The following CLEC12A variants were observed in gnomAD, a reference collection of about 807,000 sequenced individuals.
CLEC12A encodes the protein C-type lectin domain family 12 member A.
A neutral mutation model predicts 26.5 loss-of-function variants in CLEC12A; 22 were observed. The observed-to-expected ratio is 0.83, with a 90% CI of 0.59 to 1.19. The LOEUF is 1.19. Ranked by LOEUF, CLEC12A falls within the 50% of genes most tolerant of loss-of-function variation. CLEC12A has a pLI of 0.00. For missense variants in CLEC12A, 353 were observed against 315.6 expected (o/e 1.12, Z -0.90); for synonymous variants, 119 against 101.9 (o/e 1.17, Z -1.01).
intron 1 of CLEC12A, among the ~76,000 whole-genome samples, chr12:9,972,017 A>G (rs1003164975): frequency 2.0e-5 from 3 of 150,472 alleles, no homozygotes; most frequent in East Asian, 1.9e-4. Flanking sequence ...AAAAAGAAAC[A>G]TGTTCAGGAA....
downstream of CLEC12A, among the ~76,000 whole-genome samples, chr12:9,996,189 C>T (rs774713168): frequency 3.3e-5 from 5 of 152,056 alleles, no homozygotes; most frequent in African/African-American, 9.7e-5. Context: ...CTTGAGCCAC[C>T]GGGAACCTTT....
In CLEC12A at chr12:9,982,106, TA is replaced by T. The variant is rs768594610; in HGVS notation, c.620del (p.Asn207IlefsTer2). ...EDSTRGMRVD[N>X]IINSSAWVIR... ...ATTCCACTCGTGGTATGAGAGTGGA[TA>T]ATATAATCAACTCCTCTGCCTGGTA... On this transcript the variant is annotated frameshift_variant, in exon 5 of 6. Transcript: ENST00000304361. LOFTEE classifies it low-confidence loss of function (END_TRUNC). The T allele has an allele frequency of 1.3e-5, 21 of 1,577,420 alleles. No homozygotes were observed. In the South Asian group the frequency reaches 2.3e-4, roughly 18 times the overall value.
chr12:9,958,209 T>C (rs1211875408), intron 1 of CLEC12A, among the ~76,000 whole-genome samples: 1 of 152,238 alleles, frequency 6.6e-6, no homozygotes, highest in Non-Finnish European at 1.5e-5. Context: ...AGTAATTACT[T>C]TAGGCACAAT....
At chr12:9,998,644 T>TTTTTGTTTTGTTTTG (rs71049030), downstream of CLEC12A, among the ~76,000 whole-genome samples, 19 of 145,736 alleles carry the variant, frequency 1.3e-4, no homozygotes, top group East Asian at 4.0e-4. Flanking sequence ...GTGTTTGTAT[T>TTTTTGTTTTGTTTTG]TTTTGTTTTG....
intron 4 of CLEC12A, chr12:9,992,618 T>C (rs1864918490): frequency 2.6e-5 from 4 of 152,316 alleles, no homozygotes; most frequent in Admixed American, 2.6e-4. Flanking sequence ...ATTATTCCTA[T>C]TTTAAATATG....
At chr12:9,960,144 A>T (rs1863806491) in intron 1 of CLEC12A, among the ~76,000 whole-genome samples, 1 of 152,180 alleles carries the variant, frequency 6.6e-6, no homozygotes, top group Non-Finnish European at 1.5e-5. Flanking sequence ...CCATGAATTC[A>T]ACATACTCAG....
chr12:9,998,889 G>A (rs1020456092), downstream of CLEC12A: 3 of 537,848 alleles, frequency 5.6e-6, no homozygotes, highest in Non-Finnish European at 9.7e-6. Context: ...ATGAGCTTAT[G>A]AAAACACTAC....
chr12:9,966,853 G>A (rs1279365982), upstream of CLEC12A, among the ~76,000 whole-genome samples: 1 of 97,140 alleles, frequency 1.0e-5, no homozygotes, highest in Admixed American at 1.1e-4. Flanking sequence ...GGGCTGTAAA[G>A]CGTCTCAGGG....
At chr12:9,979,634 T>TCTC in intron 3 of CLEC12A, 110 bp downstream of exon 3, 1 of 786,838 alleles carries the variant, frequency 1.3e-6, no homozygotes. Flanking sequence ...GAGTCATAAT[T>TCTC]TGGGGGAAAG....
intron 4 of CLEC12A, chr12:9,992,180 CA>C (rs1158776824): frequency 1.3e-5 from 2 of 152,090 alleles, no homozygotes; most frequent in Admixed American, 6.6e-5. Flanking sequence ...AGTTACTCAG[CA>C]AAAATAAAGC....
At chr12:9,983,713 T>C in intron 5 of CLEC12A, 2 of 482,476 alleles carry the variant, frequency 4.1e-6, no homozygotes, top group South Asian at 3.7e-5. Context: ...TGGGCCATAA[T>C]GGCAAATAGA....
chr12:9,972,729 T>C (rs1864176511), intron 1 of CLEC12A, among the ~76,000 whole-genome samples: 1 of 152,220 alleles, frequency 6.6e-6, no homozygotes, highest in African/African-American at 2.4e-5. Flanking sequence ...ATGATGAGCA[T>C]TGTAAATCTT....
chr12:9,966,325 C>T (rs1197258247), intron 1 of CLEC12A, among the ~76,000 whole-genome samples: 1 of 152,166 alleles, frequency 6.6e-6, no homozygotes, highest in Non-Finnish European at 1.5e-5. Flanking sequence ...TGGGCAGTGA[C>T]AGTCTTCAGT....
intron 1 of CLEC12A, among the ~76,000 whole-genome samples, chr12:9,956,142 T>C (rs552615025): frequency 1.3e-5 from 2 of 152,134 alleles, no homozygotes; most frequent in African/African-American, 2.4e-5. Flanking sequence ...AATCAAAACC[T>C]CTCATCCAAT....
chr12:9,994,790 C>T lies in CLEC12A; in HGVS notation n.1005-228C>T, dbSNP rs539046526. Among the ~76,000 whole-genome samples the T allele has an allele frequency of 1.3e-4, 20 of 151,906 alleles. 1 individual carries two copies. Among genetic ancestry groups the T allele is most frequent in the African/African-American group, 4.6e-4 (19 of 41,422 alleles). ...TGTTTTAAAAATATGTGAAGATAAT[C>T]AGAACAAGCAAAACACAAAAACACA... On this transcript the variant is annotated intron_variant and non_coding_transcript_variant, in intron 4 of 4. Transcript: ENST00000449959.
At chr12:9,992,039 G>A (rs1036827064) in intron 4 of CLEC12A, 1 of 152,048 alleles carries the variant, frequency 6.6e-6, no homozygotes, top group Non-Finnish European at 1.5e-5. Context: ...AACCTCCGTT[G>A]AGATGTTTGA....
Position 9,979,327 on chromosome 12 carries a change from A to C in CLEC12A, c.191-9A>C, listed in dbSNP as rs1864459209. The C allele has an allele frequency of 6.4e-7, 1 of 1,557,606 alleles. No homozygotes were observed. Among genetic ancestry groups the C allele is most frequent in the Non-Finnish European group, 8.7e-7 (1 of 1,145,710 alleles). ...ATTTACAATTTTTTGTCATTTTTTT[A>C]ATGTGGAGTTCACGTAACTTTGAAG... On this transcript the variant is annotated splice_polypyrimidine_tract_variant and intron_variant, in intron 2 of 5. Transcript: ENST00000304361.
chr12:9,969,419 G>T (rs997766625), upstream of CLEC12A, among the ~76,000 whole-genome samples: 1 of 152,172 alleles, frequency 6.6e-6, no homozygotes, highest in Non-Finnish European at 1.5e-5. Context: ...TATAGGCTGT[G>T]AAGGGCAAAC....
downstream of CLEC12A, chr12:9,997,059 C>T: frequency 3.1e-6 from 5 of 1,609,120 alleles, no homozygotes; most frequent in Non-Finnish European, 3.4e-6. Context: ...ACATTTTCTT[C>T]ACATTCAATG....
Sources: gnomAD v4.1 joint callset for allele counts (sites outside exome capture counted in the v4.1 genomes callset) on GRCh38, gnomAD v4.1.1 for gene constraint, MANE v1.5 for transcripts, NCBI Gene and HGNC (gene_info 2026-07-23, HGNC 2026-07-21) for gene names.